The following ASTN2 variants were observed in gnomAD, a reference collection of about 807,000 sequenced individuals.
The protein encoded by ASTN2 is astrotactin-2.
ASTN2 carries 54 observed loss-of-function variants against 139.8 expected under a neutral mutation model. That is an observed-to-expected ratio of 0.39 (90% CI 0.31 to 0.48). The LOEUF (loss-of-function observed/expected upper bound fraction) is 0.48, where lower values mean the gene tolerates loss of function less well. ASTN2 is among the 20% of genes least tolerant of loss of function. The probability of loss-of-function intolerance (pLI) is 0.95; values close to 1 mark genes in which losing one functional copy is unlikely to be tolerated. For missense variants in ASTN2, 1,565 were observed against 1,725.1 expected, an observed-to-expected ratio of 0.91 and a Z score of 1.64; for synonymous variants, 756 against 719.5, an observed-to-expected ratio of 1.05 and a Z score of -0.81.
At chr9:116,921,924 G>A (rs889408348) in intron 10 of ASTN2, among the ~76,000 whole-genome samples, 1 of 152,080 alleles carries the variant, frequency 6.6e-6, no homozygotes, top group African/African-American at 2.4e-5. Flanking sequence ...GATTTGGGTG[G>A]GGACACAGCC....
chr9:116,515,051 G>T (rs971741131), intron 19 of ASTN2, among the ~76,000 whole-genome samples: 4 of 152,142 alleles, frequency 2.6e-5, no homozygotes, highest in Non-Finnish European at 4.4e-5. Flanking sequence ...CAATACCTCA[G>T]TTGGAAATGC....
chr9:117,087,569 A>T (rs752371578), intron 5 of ASTN2, among the ~76,000 whole-genome samples: 2 of 152,176 alleles, frequency 1.3e-5, no homozygotes, highest in Non-Finnish European at 2.9e-5. Context: ...TCAAGCTGGT[A>T]CATTAGAAAG....
chr9:117,317,455 G>A (rs1041328987), intron 1 of ASTN2, among the ~76,000 whole-genome samples: 1 of 152,176 alleles, frequency 6.6e-6, no homozygotes, highest in Non-Finnish European at 1.5e-5. Flanking sequence ...GCTTGGTGCA[G>A]ATTTGTTGAA....
At chr9:117,252,843 C>T (rs757428430) in intron 2 of ASTN2, among the ~76,000 whole-genome samples, 2 of 152,186 alleles carry the variant, frequency 1.3e-5, no homozygotes, top group African/African-American at 2.4e-5. Flanking sequence ...AGAAATTGGG[C>T]TCCAAAGTCA....
At chr9:117,029,938 C>G (rs1238868721) in intron 6 of ASTN2, among the ~76,000 whole-genome samples, 1 of 151,950 alleles carries the variant, frequency 6.6e-6, no homozygotes, top group African/African-American at 2.4e-5. Context: ...TCATAACTAC[C>G]CTCACAGTTG....
intron 1 of ASTN2, among the ~76,000 whole-genome samples, chr9:117,412,064 C>G (rs779447408): frequency 3.3e-4 from 50 of 151,398 alleles, no homozygotes; most frequent in Non-Finnish European, 5.5e-4. Flanking sequence ...TAGGTCCTCC[C>G]AGAACTCATT....
At chr9:116,966,754 C>T (rs1836022872) in intron 10 of ASTN2, among the ~76,000 whole-genome samples, 1 of 151,108 alleles carries the variant, frequency 6.6e-6, no homozygotes, top group South Asian at 2.1e-4. Flanking sequence ...AATGCTAATG[C>T]CCATATTCCA....
At chr9:116,810,798 T>C (rs967380788) in intron 12 of ASTN2, among the ~76,000 whole-genome samples, 4 of 152,204 alleles carry the variant, frequency 2.6e-5, no homozygotes, top group Non-Finnish European at 5.9e-5. Flanking sequence ...ATTTGATAAG[T>C]CTTGCCTATA....
chr9:116,630,940 A>T, intron 17 of ASTN2, among the ~76,000 whole-genome samples: 1 of 152,216 alleles, frequency 6.6e-6, no homozygotes, highest in Admixed American at 6.5e-5. Flanking sequence ...AAAGTGGCCA[A>T]GTATATGAAA....
Position 116,440,765 on chromosome 9 carries a change from T to A in ASTN2, c.3626A>T (p.Tyr1209Phe). The change falls in exon 22 of 23, where the codon TAC becomes TTC. Residue 1209 changes from tyrosine (Y) to phenylalanine (F), a missense_variant. Tyr to Phe is a conservative substitution (Grantham distance 22, BLOSUM62 3). This residue lies in a region of ASTN2 where 418 missense variants were observed against 465.8 expected (regional missense o/e 0.90). Transcript: ENST00000313400. ...EEIADKIYNL[Y>F]NGYTSGKEQQ... ...CTCCTTTCCACTTGTGTACCCATTGTACAGATTGTAGATCTTGTCAGCTAT... is the reference window on the plus strand; with the variant it reads ...CTCCTTTCCACTTGTGTACCCATTGAACAGATTGTAGATCTTGTCAGCTAT... The A allele has an allele frequency of 1.9e-6, 3 of 1,614,138 alleles. No homozygotes were observed. In the Admixed American group the frequency reaches 5.0e-5, roughly 27 times the overall value.
chr9:116,475,028 G>C (rs564512463), intron 20 of ASTN2, among the ~76,000 whole-genome samples: 11 of 152,242 alleles, frequency 7.2e-5, no homozygotes, highest in African/African-American at 2.6e-4. Flanking sequence ...AGAGTCTCTT[G>C]GGGTCTCAGC....
At chr9:116,775,881 A>G (rs760906039) in intron 13 of ASTN2, among the ~76,000 whole-genome samples, 4 of 151,938 alleles carry the variant, frequency 2.6e-5, no homozygotes, top group African/African-American at 4.8e-5. Flanking sequence ...CTTCAGACAT[A>G]TTTGTTTCTG....
intron 10 of ASTN2, among the ~76,000 whole-genome samples, chr9:116,917,129 A>G (rs539167891): frequency 3.9e-5 from 6 of 152,044 alleles, no homozygotes; most frequent in Non-Finnish European, 8.8e-5. Flanking sequence ...CTGCCCCAAG[A>G]GCTTTTTCTC....
intron 2 of ASTN2, among the ~76,000 whole-genome samples, chr9:117,269,764 T>A (rs1326307609): frequency 2.6e-5 from 4 of 152,226 alleles, no homozygotes; most frequent in Non-Finnish European, 4.4e-5. Context: ...AACTGAGGTT[T>A]AGCAGATATG....
chr9:116,543,613 C>T (rs908874741), intron 19 of ASTN2: 1 of 152,156 alleles, frequency 6.6e-6, no homozygotes, highest in African/African-American at 2.4e-5. Context: ...AACCAGTGAT[C>T]CCTTTCAAAT....
At chr9:116,783,178 G>C (rs546899314) in intron 13 of ASTN2, among the ~76,000 whole-genome samples, 98 of 152,210 alleles carry the variant, frequency 6.4e-4, no homozygotes, top group African/African-American at 2.3e-3. Context: ...ATTTTAGTCA[G>C]TGTAGCATAT....
intron 1 of ASTN2, among the ~76,000 whole-genome samples, chr9:117,376,381 T>G (rs1830124923): frequency 6.6e-6 from 1 of 152,154 alleles, no homozygotes; most frequent in African/African-American, 2.4e-5. Context: ...GTCAGACAGA[T>G]AAACCATTTG....
chr9:116,956,570 T>G (rs989253493), intron 10 of ASTN2, among the ~76,000 whole-genome samples: 1 of 151,396 alleles, frequency 6.6e-6, no homozygotes, highest in African/African-American at 2.4e-5. Flanking sequence ...GTTTTAGTCA[T>G]GGAAATTAGG....
intron 19 of ASTN2, among the ~76,000 whole-genome samples, chr9:116,513,346 T>G (rs1850489732): frequency 1.3e-5 from 2 of 152,244 alleles, no homozygotes; most frequent in African/African-American, 4.8e-5. Context: ...TCTTCTGGCT[T>G]GTAGAGTTTC....
Sources: allele counts gnomAD v4.1 joint callset (sites outside exome capture counted in the v4.1 genomes callset), GRCh38; gene constraint gnomAD v4.1.1; regional missense constraint gnomAD v4.1.1; transcripts MANE v1.5; gene names NCBI Gene and HGNC (gene_info 2026-07-23, HGNC 2026-07-21).